Variants in PREPL observed in about 807,000 individuals in gnomAD.
PREPL encodes the protein prolyl endopeptidase like.
A neutral mutation model predicts 70.6 loss-of-function variants in PREPL; 77 were observed. The observed-to-expected ratio is 1.09, with a 90% CI of 0.91 to 1.32. The LOEUF is 1.32. Ranked by LOEUF, PREPL falls within the 40% of genes most tolerant of loss-of-function variation. The pLI is 0.00. For synonymous variants in PREPL, 315 were observed against 264.8 expected (o/e 1.19, Z -1.84); for missense variants, 1,002 against 778.2 (o/e 1.29, Z -3.42).
intron 9 of PREPL, among the ~76,000 whole-genome samples, chr2:44,327,576 G>C (rs1024565038): frequency 6.6e-6 from 1 of 152,112 alleles, no homozygotes; most frequent in Non-Finnish European, 1.5e-5. Context: ...ACATGACTTT[G>C]GGGGCTGGAC....
chr2:44,331,134 G>A (rs1309389682), intron 8 of PREPL, among the ~76,000 whole-genome samples: 2 of 152,066 alleles, frequency 1.3e-5, no homozygotes, highest in East Asian at 1.9e-4. Context: ...GTAGAGATGA[G>A]GTCTCACTAT....
chr2:44,333,694 A>G (rs552705017), intron 7 of PREPL, among the ~76,000 whole-genome samples: 1 of 152,310 alleles, frequency 6.6e-6, no homozygotes, highest in South Asian at 2.1e-4. Flanking sequence ...AAAAGCTCCT[A>G]ATGTATGCTT....
intron 1 of PREPL, among the ~76,000 whole-genome samples, chr2:44,352,977 C>G (rs2104147040): frequency 6.6e-6 from 1 of 152,284 alleles, no homozygotes; most frequent in South Asian, 2.1e-4. Flanking sequence ...CCATGAGTGG[C>G]AGCTCATGCC....
intron 6 of PREPL, 107 bp downstream of exon 6, chr2:44,339,040 G>T: frequency 1.3e-6 from 2 of 1,494,018 alleles, no homozygotes; most frequent in East Asian, 2.4e-5. Flanking sequence ...ACATAGGAAG[G>T]TGGCATCAAT....
chr2:44,321,461 T>TA lies in PREPL; in HGVS notation c.1828-17dup. 2 of 1,605,242 alleles carry TA rather than the reference T, an allele frequency of 1.2e-6. No individual in the cohort carries two copies. The highest frequency in any genetic ancestry group is 1.1e-5 in the South Asian group (1 of 90,476). ...GGGCTGTAATCTAAAAGAAACACAT[T>TA]AAAAAAATTAAATAGAAGGCCTTTG... On this transcript the variant is annotated splice_polypyrimidine_tract_variant and intron_variant, in intron 13 of 13. Transcript: ENST00000409411.
Position 44,332,529 on chromosome 2 carries a change from AAC to A in PREPL, c.1014_1015del (p.Phe339Ter). On this transcript the variant is annotated frameshift_variant, in exon 8 of 14. Transcript: ENST00000409411. LOFTEE classifies it high-confidence loss of function. ...TGGGTCTTCATGCCCAGTTTCCTCA[AAC>A]AGTTTGCCTTCTGCAAACTTGTATG... is the stretch of plus-strand genomic sequence containing the variant. 2.5e-6 allele frequency: 4 copies of A among 1,614,122 alleles called. No individual in the cohort carries two copies. Among genetic ancestry groups the A allele is most frequent in the Non-Finnish European group, 3.4e-6 (4 of 1,180,004 alleles).
intron 10 of PREPL, among the ~76,000 whole-genome samples, chr2:44,326,414 C>T (rs1457554170): frequency 2.8e-5 from 4 of 142,030 alleles, no homozygotes; most frequent in Non-Finnish European, 6.0e-5. Flanking sequence ...CAATGTCTCA[C>T]TCTGTTGCCC....
chr2:44,352,602 A>G (rs1238050547), intron 1 of PREPL, among the ~76,000 whole-genome samples: 1 of 152,178 alleles, frequency 6.6e-6, no homozygotes, highest in Non-Finnish European at 1.5e-5. Context: ...TTTCTCAAGT[A>G]GGATGGTAAG....
chr2:44,360,713 T>C (rs1268542028), intron 1 of PREPL: 1 of 152,202 alleles, frequency 6.6e-6, no homozygotes, highest in Non-Finnish European at 1.5e-5. Flanking sequence ...CCTTCTAGGG[T>C]TGTTGTTGTA....
chr2:44,344,763 T>C (rs1300210500), intron 2 of PREPL, among the ~76,000 whole-genome samples, 177 bp from the exon 3 acceptor site: 2 of 152,232 alleles, frequency 1.3e-5, no homozygotes, highest in South Asian at 2.1e-4. Flanking sequence ...TGATAAGATA[T>C]GGTTTTCGTA....
chr2:44,318,015 C>A lies in PREPL; in HGVS notation c.*3341G>T. The A allele has an allele frequency of 5.4e-6, 2 of 369,298 alleles. No homozygotes were observed. Among genetic ancestry groups the A allele is most frequent in the Non-Finnish European group, 1.1e-5 (2 of 185,714 alleles). The allele number at this position is 369,298 out of a possible 1,614,324, so 22.9% of individuals were successfully genotyped here. A position where few individuals can be genotyped will look rare whatever the true frequency, so the allele number is the denominator to read the frequency against. On this transcript the variant is annotated 3_prime_UTR_variant, in exon 14 of 14. Coordinates refer to ENST00000409411, the MANE Select transcript of PREPL (RefSeq NM_001171613.2). ...CTATAAACACAAAAAATGAAGTTATCTTTTGACCTAATAATTCCATTCCTA... is the reference window on the plus strand; with the variant it reads ...CTATAAACACAAAAAATGAAGTTATATTTTGACCTAATAATTCCATTCCTA...
chr2:44,361,706 C>G (rs1050439072), upstream of PREPL: 1 of 364,116 alleles, frequency 2.7e-6, no homozygotes, highest in African/African-American at 2.1e-5. Context: ...CGAGATGAAG[C>G]ACAGAAGGCT....
intron 9 of PREPL, 25 bp from the exon 10 acceptor site, chr2:44,326,953 T>G (rs758208413): frequency 2.5e-6 from 4 of 1,603,860 alleles, no homozygotes; most frequent in Non-Finnish European, 3.4e-6. Context: ...CAAAAAAGTT[T>G]TAGTGGAAAA....
chr2:44,351,482 C>T (rs1483627768), intron 1 of PREPL, among the ~76,000 whole-genome samples: 1 of 150,252 alleles, frequency 6.7e-6, no homozygotes, highest in Non-Finnish European at 1.5e-5. Context: ...CGAATCTGAA[C>T]TTTAAATCTC....
intron 13 of PREPL, 180 bp from the exon 14 acceptor site, chr2:44,321,625 T>C: frequency 6.7e-7 from 1 of 1,485,064 alleles, no homozygotes. Context: ...TTATTTTCTT[T>C]AACAGAGCTC....
intron 1 of PREPL, among the ~76,000 whole-genome samples, chr2:44,353,840 C>G (rs1173471865): frequency 6.6e-6 from 1 of 151,930 alleles, no homozygotes; most frequent in Non-Finnish European, 1.5e-5. Context: ...ACCCCAATCC[C>G]TTGCACTATA....
intron 1 of PREPL, among the ~76,000 whole-genome samples, chr2:44,350,319 C>G (rs1676278390): frequency 6.6e-6 from 1 of 151,858 alleles, no homozygotes; most frequent in Non-Finnish European, 1.5e-5. Flanking sequence ...TCAATGTAAT[C>G]TAACACAAAT....
intron 5 of PREPL, among the ~76,000 whole-genome samples, chr2:44,341,246 T>A (rs1341184141): frequency 6.6e-6 from 1 of 152,132 alleles, no homozygotes; most frequent in African/African-American, 2.4e-5. Context: ...TTTTCCCAAA[T>A]AGTATTTCCC....
intron 8 of PREPL, among the ~76,000 whole-genome samples, chr2:44,330,653 A>T (rs979284875): frequency 5.3e-5 from 8 of 151,812 alleles, no homozygotes; most frequent in African/African-American, 1.7e-4. Flanking sequence ...AAAATAAATG[A>T]ATTAAAGAAA....
Sources: gnomAD v4.1 joint callset for allele counts (sites outside exome capture counted in the v4.1 genomes callset) on GRCh38, gnomAD v4.1.1 for gene constraint, MANE v1.5 for transcripts, NCBI Gene and HGNC (gene_info 2026-07-23, HGNC 2026-07-21) for gene names.